PRKN: variants seen among roughly 807,000 people sequenced by gnomAD.
The protein encoded by PRKN is parkin RBR E3 ubiquitin protein ligase.
Under a neutral mutation model 59.5 loss-of-function variants are expected in PRKN, and 56 were observed. The ratio of observed to expected loss-of-function variants is 0.94; its 90% CI spans 0.76 to 1.18. The LOEUF (loss-of-function observed/expected upper bound fraction) is 1.18, where lower values mean the gene tolerates loss of function less well. Among genes scored for constraint, PRKN ranks in the 50% most tolerant of loss-of-function variants. The pLI, the probability that PRKN is intolerant of heterozygous loss-of-function variation, is 0.00. For missense variants in PRKN, 657 were observed against 596.4 expected, an observed-to-expected ratio of 1.10 and a Z score of -1.06; for synonymous variants, 250 against 222.1, an observed-to-expected ratio of 1.13 and a Z score of -1.12.
At chr6:162,354,850 G>A (rs1784779786) in intron 2 of PRKN, among the ~76,000 whole-genome samples, 1 of 151,760 alleles carries the variant, frequency 6.6e-6, no homozygotes, top group South Asian at 2.1e-4. Context: ...TTTGAACTAA[G>A]CAAATAAATT....
intron 7 of PRKN, among the ~76,000 whole-genome samples, chr6:161,765,316 A>G (rs1375936549): frequency 1.3e-5 from 2 of 152,222 alleles, no homozygotes; most frequent in African/African-American, 4.8e-5. Context: ...ATAGTGGAAA[A>G]TGAACAATAG....
intron 3 of PRKN, among the ~76,000 whole-genome samples, chr6:162,236,511 G>T (rs1393136655): frequency 2.0e-5 from 3 of 152,022 alleles, no homozygotes; most frequent in African/African-American, 7.3e-5. Flanking sequence ...CCCAAGCTTG[G>T]TGTGGTGGCT....
intron 5 of PRKN, among the ~76,000 whole-genome samples, chr6:161,995,801 G>C (rs1270115394): frequency 6.6e-6 from 1 of 152,090 alleles, no homozygotes; most frequent in Non-Finnish European, 1.5e-5. Flanking sequence ...ATACACTGTT[G>C]TAACCTGTAA....
chr6:162,218,684 G>T (rs11758679), intron 3 of PRKN, among the ~76,000 whole-genome samples: 1 of 152,114 alleles, frequency 6.6e-6, no homozygotes, highest in Non-Finnish European at 1.5e-5. Flanking sequence ...GGAGTAGAAA[G>T]CACCCTACTT....
chr6:161,895,602 GAGCACGCCCACCCCACC>G (rs2128233321), intron 6 of PRKN, among the ~76,000 whole-genome samples: 1 of 115,142 alleles, frequency 8.7e-6, no homozygotes, highest in East Asian at 2.9e-4. Flanking sequence ...TGAGATTCAG[GAGCACGCCCACCCCACC>G]TGCTGTTATG....
In PRKN at chr6:162,676,390, T is replaced by C. The variant is rs550771929; in HGVS notation, c.7+51272A>G. On this transcript the variant is annotated intron_variant, in intron 1 of 11. Coordinates refer to ENST00000366898, the MANE Select transcript of PRKN (RefSeq NM_004562.3). Reference sequence around the variant, plus strand: ...AGCAGAGGTGAAAAAAATAAAACTTTATTGTCAGAGATTGGGCTTGCCAAA... The same window carrying C: ...AGCAGAGGTGAAAAAAATAAAACTTCATTGTCAGAGATTGGGCTTGCCAAA... Among the ~76,000 whole-genome samples, 9 of 152,294 alleles carry C rather than the reference T, an allele frequency of 5.9e-5. No homozygotes were observed. In the South Asian group the frequency reaches 1.7e-3, roughly 28 times the overall value.
chr6:161,839,800 A>T (rs1478489703), intron 6 of PRKN, among the ~76,000 whole-genome samples: 1 of 152,236 alleles, frequency 6.6e-6, no homozygotes. Context: ...AACACACGGA[A>T]AAAAGTCCAC....
At chr6:162,493,238 G>C (rs930140910) in intron 1 of PRKN, among the ~76,000 whole-genome samples, 1 of 152,150 alleles carries the variant, frequency 6.6e-6, no homozygotes, top group Admixed American at 6.5e-5. Flanking sequence ...AAATGGAAAA[G>C]GGAGAACTGC....
intron 4 of PRKN, among the ~76,000 whole-genome samples, chr6:162,191,738 C>T (rs1441990311): frequency 3.3e-5 from 5 of 152,130 alleles, no homozygotes; most frequent in Admixed American, 6.6e-5. Context: ...CCACCGTGCC[C>T]GGCCAGAATT....
rs576534932 is a variant in PRKN at position 162,203,509 on chromosome 6, A to G, written c.413-2257T>C. Among the ~76,000 whole-genome samples the G allele has an allele frequency of 2.6e-5, 4 of 152,296 alleles. No individual in the cohort carries two copies. In the South Asian group the frequency reaches 8.3e-4, roughly 32 times the overall value. On this transcript the variant is annotated intron_variant, in intron 3 of 11. Coordinates refer to ENST00000366898, the MANE Select transcript of PRKN (RefSeq NM_004562.3). ...GAACGGCTTCCCTATTTATTTAGCT[A>G]CATAACACAATTAAAAGTTGGCAAG...
At chr6:162,488,706 A>G (rs1302435597) in intron 1 of PRKN, among the ~76,000 whole-genome samples, 2 of 152,310 alleles carry the variant, frequency 1.3e-5, no homozygotes, top group East Asian at 1.9e-4. Flanking sequence ...GTGTGAGAAC[A>G]GCACGAGCAG....
intron 6 of PRKN, among the ~76,000 whole-genome samples, chr6:161,866,198 T>C (rs1441712373): frequency 6.6e-6 from 1 of 152,082 alleles, no homozygotes; most frequent in African/African-American, 2.4e-5. Flanking sequence ...CTGCAAACAA[T>C]TGCAACAGTA....
rs73606930 is a variant in PRKN at position 161,402,426 on chromosome 6, C to T, written c.1084-15549G>A. ...GTCCCAGGGCGGCTGAGATAATGCG[C>T]GGATCTCAGGTGAGTCGAGGAAATG... is the stretch of plus-strand genomic sequence containing the variant. On this transcript the variant is annotated intron_variant, in intron 9 of 11. Coordinates refer to ENST00000366898, the MANE Select transcript of PRKN (RefSeq NM_004562.3). The surrounding 1 kb of genome is among the most constrained non-coding windows in gnomAD (Gnocchi z 4.5). Among the ~76,000 whole-genome samples, 1,934 of 152,166 alleles carry T rather than the reference C, an allele frequency of 0.013. 43 individuals carry two copies. Among genetic ancestry groups the T allele is most frequent in the African/African-American group, 0.044 (1,812 of 41,476 alleles).
At chr6:161,825,473 C>G (rs1295872622) in intron 6 of PRKN, among the ~76,000 whole-genome samples, 1 of 152,172 alleles carries the variant, frequency 6.6e-6, no homozygotes, top group Non-Finnish European at 1.5e-5. Flanking sequence ...TCCTTCTGGT[C>G]TGGGCTGCTC....
At chr6:162,060,243 C>T (rs1023656485) in intron 4 of PRKN, among the ~76,000 whole-genome samples, 2 of 152,162 alleles carry the variant, frequency 1.3e-5, no homozygotes, top group Non-Finnish European at 1.5e-5. Flanking sequence ...TGAGAAATTA[C>T]AATGAAAACC....
chr6:161,473,020 A>T lies in PRKN; in HGVS notation c.1083+75834T>A, dbSNP rs1266511523. On this transcript the variant is annotated intron_variant, in intron 9 of 11. Transcript: ENST00000366898. This position sits in a 1 kb window ranked among gnomAD's most constrained non-coding sequence, Gnocchi z 4.1. ...CAAGCGGTAGCACGGGTTGGAGAAA[A>T]GGGAACCCTGACATGCTGTTGGTGG... Among the ~76,000 whole-genome samples the T allele has an allele frequency of 1.3e-5, 2 of 152,178 alleles. No individual in the cohort carries two copies. Among genetic ancestry groups the T allele is most frequent in the Non-Finnish European group, 2.9e-5 (2 of 68,036 alleles).
rs1171716783 is a variant in PRKN at position 161,910,319 on chromosome 6, A to G, written c.734+62983T>C. On this transcript the variant is annotated intron_variant, in intron 6 of 11. Transcript: ENST00000366898. ...GCCCAGGGTGGAGTGCAGTGGCACA[A>G]TCTCGACTCACCACAACCTCCACCT... 3.3e-5 allele frequency among the ~76,000 whole-genome samples: 5 copies of G among 152,260 alleles called. No homozygotes were observed. The South Asian group carries it at 6.2e-4, about 19-fold the overall frequency.
rs1023037196 is a variant in PRKN at position 161,503,677 on chromosome 6, T to G, written c.1083+45177A>C. On this transcript the variant is annotated intron_variant, in intron 9 of 11. Coordinates refer to ENST00000366898, the MANE Select transcript of PRKN (RefSeq NM_004562.3). This position sits in a 1 kb window ranked among gnomAD's most constrained non-coding sequence, Gnocchi z 5.1. ...AGCCCTGCTTCGAGAGCCTCTATGC[T>G]TCTATGAAGGTCACAACCAGAAGCA... Among the ~76,000 whole-genome samples, 9 of 152,302 alleles carry G rather than the reference T, an allele frequency of 5.9e-5. No individual in the cohort carries two copies. Among genetic ancestry groups the G allele is most frequent in the African/African-American group, 1.9e-4 (8 of 41,556 alleles).
intron 2 of PRKN, among the ~76,000 whole-genome samples, chr6:162,439,785 G>C (rs1562765969): frequency 6.7e-6 from 1 of 148,746 alleles, no homozygotes; most frequent in Non-Finnish European, 1.5e-5. Context: ...TCTCCTTTTT[G>C]TAATGCTGTT....
Sources: gnomAD v4.1 joint callset for allele counts (sites outside exome capture counted in the v4.1 genomes callset) on GRCh38, gnomAD v4.1.1 for gene constraint, Gnocchi (gnomAD v3.1) non-coding constraint, MANE v1.5 for transcripts, NCBI Gene and HGNC (gene_info 2026-07-23, HGNC 2026-07-21) for gene names.